Variants in CCDC141 observed in about 807,000 individuals in gnomAD.
CCDC141 encodes the protein coiled-coil domain-containing protein 141.
A neutral mutation model predicts 181.0 loss-of-function variants in CCDC141; 168 were observed. The observed-to-expected ratio is 0.93, with a 90% CI of 0.82 to 1.05. The LOEUF (loss-of-function observed/expected upper bound fraction) is 1.05, where lower values mean the gene tolerates loss of function less well. CCDC141 is among the 50% of genes least tolerant of loss of function. The pLI, the probability that CCDC141 is intolerant of heterozygous loss-of-function variation, is 0.00. For missense variants in CCDC141, 1,902 were observed against 1,788.5 expected (o/e 1.06, Z -1.14); for synonymous variants, 666 against 642.3 (o/e 1.04, Z -0.56).
At chr2:178,990,681 T>C (rs968613431) in intron 2 of CCDC141, among the ~76,000 whole-genome samples, 1 of 151,556 alleles carries the variant, frequency 6.6e-6, no homozygotes, top group African/African-American at 2.4e-5. Context: ...CTCTAAGACA[T>C]GCTAAGTGAA....
intron 2 of CCDC141, among the ~76,000 whole-genome samples, chr2:179,019,176 T>G (rs2042627560): frequency 6.6e-6 from 1 of 152,214 alleles, no homozygotes; most frequent in South Asian, 2.1e-4. Flanking sequence ...GAAAGTCTTT[T>G]TGGTTCCCAA....
chr2:178,883,800 A>G (rs1686740251), intron 11 of CCDC141, among the ~76,000 whole-genome samples: 1 of 152,108 alleles, frequency 6.6e-6, no homozygotes, highest in African/African-American at 2.4e-5. Context: ...TCTATTACTG[A>G]TGACAGCTTC....
chr2:178,836,317 A>G (rs1684473555), intron 23 of CCDC141: 1 of 152,626 alleles, frequency 6.6e-6, no homozygotes, highest in Admixed American at 6.5e-5. Context: ...ACCTTTCAAA[A>G]ATGAGTTTAT....
chr2:179,026,281 G>T (rs1234436353), intron 2 of CCDC141, among the ~76,000 whole-genome samples: 1 of 152,186 alleles, frequency 6.6e-6, no homozygotes, highest in African/African-American at 2.4e-5. Flanking sequence ...TGGGCCCAGG[G>T]TTCCTGTGCT....
At chr2:178,892,828 G>A (rs915531207) in intron 8 of CCDC141, among the ~76,000 whole-genome samples, 20 of 152,108 alleles carry the variant, frequency 1.3e-4, no homozygotes, top group African/African-American at 4.8e-4. Flanking sequence ...AAGAACTGAC[G>A]GTGGGTAACA....
At chr2:178,943,994 T>C (rs1689626763) in intron 6 of CCDC141, among the ~76,000 whole-genome samples, 1 of 152,196 alleles carries the variant, frequency 6.6e-6, no homozygotes, top group African/African-American at 2.4e-5. Context: ...AATCAAATTA[T>C]ATCTGGAAGT....
intron 2 of CCDC141, among the ~76,000 whole-genome samples, chr2:179,001,284 G>A (rs1048896139): frequency 6.6e-6 from 1 of 152,034 alleles, no homozygotes; most frequent in Non-Finnish European, 1.5e-5. Flanking sequence ...GAACTCTTAG[G>A]GACATGAGAA....
At chr2:178,973,254 A>G (rs1263416470) in intron 4 of CCDC141, among the ~76,000 whole-genome samples, 2 of 152,194 alleles carry the variant, frequency 1.3e-5, no homozygotes, top group South Asian at 2.1e-4. Context: ...ACCACTGGGC[A>G]TATGAACTGG....
intron 4 of CCDC141, among the ~76,000 whole-genome samples, chr2:178,962,344 A>T (rs1690443213): frequency 6.6e-6 from 1 of 152,226 alleles, no homozygotes; most frequent in African/African-American, 2.4e-5. Context: ...TCCACTCTCC[A>T]TCAGGCAGAA....
intron 5 of CCDC141, among the ~76,000 whole-genome samples, chr2:178,953,699 T>G (rs916166675): frequency 3.9e-5 from 6 of 152,224 alleles, no homozygotes; most frequent in African/African-American, 1.4e-4. Context: ...TTTCAAAATT[T>G]CCAAAGCAAT....
chr2:178,877,893 C>T (rs1364058410), intron 12 of CCDC141, 71 bp downstream of exon 12: 24 of 1,434,188 alleles, frequency 1.7e-5, no homozygotes, highest in Non-Finnish European at 2.3e-5. Context: ...ACAGCTGAAC[C>T]TTTGAAATTA....
intron 5 of CCDC141, among the ~76,000 whole-genome samples, chr2:178,960,792 C>G (rs1003150262): frequency 6.6e-6 from 1 of 152,214 alleles, no homozygotes; most frequent in African/African-American, 2.4e-5. Context: ...TCAGACTACT[C>G]TTCTAAGAAC....
At chr2:178,859,009 TTC>T (rs1685497021) in intron 17 of CCDC141, among the ~76,000 whole-genome samples, 1 of 152,168 alleles carries the variant, frequency 6.6e-6, no homozygotes, top group Non-Finnish European at 1.5e-5. Context: ...GTGATTTGAT[TTC>T]TGTTTGCTTC....
intron 17 of CCDC141, among the ~76,000 whole-genome samples, chr2:178,857,284 G>A (rs1222564342): frequency 6.6e-6 from 1 of 152,168 alleles, no homozygotes; most frequent in Admixed American, 6.5e-5. Context: ...GACATTGGTG[G>A]GGTGGAAGAG....
Position 178,870,410 on chromosome 2 carries a change from A to G in CCDC141, c.2205+1017T>C, listed in dbSNP as rs1575152292. ...AAGTTCAAGCATTTGGGCATTAAAT[A>G]TATGTGCATCACAGTGACAGGGCTA... is the stretch of plus-strand genomic sequence containing the variant. On this transcript the variant is annotated intron_variant, in intron 14 of 23. Transcript: ENST00000443758. Among the ~76,000 whole-genome samples, 3 of 152,264 alleles carry G rather than the reference A, an allele frequency of 2.0e-5. No homozygotes were observed. The South Asian group carries it at 6.2e-4, about 31-fold the overall frequency.
chr2:178,837,013 G>A lies in CCDC141; in HGVS notation c.4206C>T (p.Val1402=). The A allele has an allele frequency of 1.2e-6, 2 of 1,613,868 alleles. No individual in the cohort carries two copies. The highest frequency in any genetic ancestry group is 1.7e-6 in the Non-Finnish European group (2 of 1,179,956). The change falls in exon 23 of 24, where the codon GTC becomes GTT. Residue 1402 remains valine (V), a synonymous_variant. Transcript: ENST00000443758. ...AATTAGGTGCCTGGTCAGCTAGGCTGACCACGCTGCTCTTTGCTGATGTGC... is the reference window on the plus strand; with the variant it reads ...AATTAGGTGCCTGGTCAGCTAGGCTAACCACGCTGCTCTTTGCTGATGTGC... ...IKSTSAKSSV[V]SLADQAPNFS...
intron 2 of CCDC141, among the ~76,000 whole-genome samples, chr2:179,014,386 A>C (rs1455763902): frequency 2.0e-5 from 3 of 152,174 alleles, no homozygotes; most frequent in Non-Finnish European, 4.4e-5. Flanking sequence ...CCAAGAACCC[A>C]AAAGCAAATG....
At chr2:178,970,354 T>G (rs1690830057) in intron 4 of CCDC141, among the ~76,000 whole-genome samples, 1 of 152,180 alleles carries the variant, frequency 6.6e-6, no homozygotes, top group African/African-American at 2.4e-5. Flanking sequence ...GGCATCCCAC[T>G]ACCTGACTTC....
intron 17 of CCDC141, among the ~76,000 whole-genome samples, chr2:178,864,228 G>A (rs1376386286): frequency 2.0e-5 from 3 of 152,056 alleles, no homozygotes; most frequent in Non-Finnish European, 4.4e-5. Context: ...GAGGGAAAAC[G>A]GGAAGAAAGG....
Sources: allele counts gnomAD v4.1 joint callset (sites outside exome capture counted in the v4.1 genomes callset), GRCh38; gene constraint gnomAD v4.1.1; transcripts MANE v1.5; gene names NCBI Gene and HGNC (gene_info 2026-07-23, HGNC 2026-07-21).